The following RYR2 variants were observed in gnomAD, a reference collection of about 807,000 sequenced individuals.
RYR2 encodes the protein cardiac muscle ryanodine receptor-calcium release channel.
A neutral mutation model predicts 601.1 loss-of-function variants in RYR2; 227 were observed. That is an observed-to-expected ratio of 0.38 (90% CI 0.34 to 0.42). The LOEUF is 0.42. Ranked by LOEUF, RYR2 falls within the 10% of genes least tolerant of loss-of-function variation. The pLI is 1.00. For synonymous variants in RYR2, 2,223 were observed against 2,175.1 expected (o/e 1.02, Z -0.61); for missense variants, 4,646 against 6,156.5 (o/e 0.75, Z 8.21).
chr1:237,767,393 A>G (rs146292323), intron 84 of RYR2, among the ~76,000 whole-genome samples: 88 of 152,304 alleles, frequency 5.8e-4, no homozygotes, highest in African/African-American at 2.0e-3. Flanking sequence ...TAGACTGTGA[A>G]CTTCTTCAGG....
chr1:237,163,944 A>T (rs1676332152), intron 1 of RYR2, among the ~76,000 whole-genome samples: 1 of 152,226 alleles, frequency 6.6e-6, no homozygotes, highest in Admixed American at 6.5e-5. Context: ...TAATGTCATT[A>T]GTGGCTGGGA....
intron 80 of RYR2, among the ~76,000 whole-genome samples, chr1:237,753,787 G>A (rs903809300): frequency 6.6e-6 from 1 of 152,114 alleles, no homozygotes; most frequent in South Asian, 2.1e-4. Flanking sequence ...TGCCTTCAAG[G>A]TGTTATTTTC....
chr1:237,664,507 A>G (rs1208106902), intron 56 of RYR2, among the ~76,000 whole-genome samples: 1 of 152,224 alleles, frequency 6.6e-6, no homozygotes, highest in Non-Finnish European at 1.5e-5. Flanking sequence ...CACATCTCAC[A>G]TGGTGGTAGA....
intron 1 of RYR2, among the ~76,000 whole-genome samples, chr1:237,198,373 C>G (rs2149033781): frequency 6.6e-6 from 1 of 151,052 alleles, no homozygotes; most frequent in African/African-American, 2.4e-5. Flanking sequence ...TTATAAAATC[C>G]TTGCATTTTA....
chr1:237,663,116 C>T (rs1419735434), intron 56 of RYR2, among the ~76,000 whole-genome samples: 8 of 152,108 alleles, frequency 5.3e-5, no homozygotes, highest in Non-Finnish European at 1.0e-4. Context: ...CACCAAAGGC[C>T]ACAAGTCTAT....
chr1:237,346,094 G>A (rs543813282), intron 3 of RYR2, among the ~76,000 whole-genome samples: 36 of 152,076 alleles, frequency 2.4e-4, no homozygotes, highest in African/African-American at 4.3e-4. Flanking sequence ...GGCTGGGTGC[G>A]GTGGCTCATA....
At chr1:237,803,701 G>A (rs944690026) in intron 98 of RYR2, among the ~76,000 whole-genome samples, 2 of 151,956 alleles carry the variant, frequency 1.3e-5, no homozygotes, top group African/African-American at 4.8e-5. Flanking sequence ...TCCAGTCTTC[G>A]GTCTACAATT....
intron 80 of RYR2, among the ~76,000 whole-genome samples, chr1:237,747,419 C>T (rs1486336405): frequency 6.6e-6 from 1 of 152,134 alleles, no homozygotes; most frequent in Non-Finnish European, 1.5e-5. Context: ...ATCTGAGACA[C>T]AAATAAAATA....
chr1:237,310,630 G>A (rs1362843), intron 2 of RYR2, among the ~76,000 whole-genome samples: 51,289 of 151,914 alleles, frequency 0.34, 8,885 homozygotes, highest in South Asian at 0.5. Flanking sequence ...TTGGAGAAAG[G>A]CACACACCAC....
At chr1:237,257,625 G>A (rs949366457) in intron 1 of RYR2, among the ~76,000 whole-genome samples, 5 of 152,096 alleles carry the variant, frequency 3.3e-5, no homozygotes, top group South Asian at 2.1e-4. Context: ...GAACGAGGTC[G>A]GCAGAGTCTT....
intron 1 of RYR2, among the ~76,000 whole-genome samples, chr1:237,062,711 T>G (rs1337709181): frequency 6.6e-6 from 1 of 152,188 alleles, no homozygotes; most frequent in Non-Finnish European, 1.5e-5. Flanking sequence ...TGTTATTGCC[T>G]CATTGTACTT....
chr1:237,468,389 G>A (rs1660317647), intron 16 of RYR2, among the ~76,000 whole-genome samples: 1 of 152,134 alleles, frequency 6.6e-6, no homozygotes. Context: ...AACCAGAAAA[G>A]TCACATAGGA....
intron 34 of RYR2, 128 bp from the exon 35 acceptor site, chr1:237,601,897 A>G (rs997092871): frequency 8.8e-6 from 6 of 679,078 alleles, no homozygotes; most frequent in Admixed American, 5.8e-5. Flanking sequence ...GAGCACATCA[A>G]TCGATATGCA....
chr1:237,151,176 G>C (rs571069002), intron 1 of RYR2, among the ~76,000 whole-genome samples: 10 of 152,192 alleles, frequency 6.6e-5, no homozygotes, highest in African/African-American at 2.2e-4. Flanking sequence ...TTCATTTTAA[G>C]CTTGATATTA....
At chr1:237,669,938 G>A (rs1183255972) in intron 58 of RYR2, among the ~76,000 whole-genome samples, 1 of 152,110 alleles carries the variant, frequency 6.6e-6, no homozygotes, top group African/African-American at 2.4e-5. Flanking sequence ...CAAGGCAGGC[G>A]GCTGGGAGGT....
chr1:237,055,343 C>G (rs1003414162), intron 1 of RYR2, among the ~76,000 whole-genome samples: 6 of 152,054 alleles, frequency 3.9e-5, no homozygotes, highest in Admixed American at 6.6e-5. Context: ...AAAAATGGGT[C>G]AGAGCTGTCC....
intron 1 of RYR2, among the ~76,000 whole-genome samples, chr1:237,226,408 G>A (rs1572269141): frequency 6.6e-6 from 1 of 152,116 alleles, no homozygotes; most frequent in Non-Finnish European, 1.5e-5. Context: ...TGACAGTGTG[G>A]CCAATTATTG....
At chr1:237,532,240 CTT>C (rs1474549547) in intron 25 of RYR2, among the ~76,000 whole-genome samples, 1 of 152,006 alleles carries the variant, frequency 6.6e-6, no homozygotes, top group African/African-American at 2.4e-5. Context: ...TTTAGGTATT[CTT>C]TATCCAATTA....
At chr1:237,451,040 T>C (rs1277708914) in intron 14 of RYR2, among the ~76,000 whole-genome samples, 1 of 114,924 alleles carries the variant, frequency 8.7e-6, no homozygotes, top group African/African-American at 2.6e-5. Context: ...ATGTTTCTAT[T>C]GCATATATAT....
Sources: allele counts gnomAD v4.1 joint callset (sites outside exome capture counted in the v4.1 genomes callset), GRCh38; gene constraint gnomAD v4.1.1; transcripts MANE v1.5; gene names NCBI Gene and HGNC (gene_info 2026-07-23, HGNC 2026-07-21).